DNMT1: variants seen among roughly 807,000 people sequenced by gnomAD.
DNMT1 encodes DNA methyltransferase 1.
A neutral mutation model predicts 205.3 loss-of-function variants in DNMT1; 24 were observed. That is an observed-to-expected ratio of 0.12 (90% CI 0.08 to 0.16). The LOEUF (loss-of-function observed/expected upper bound fraction) is 0.16. Ranked by LOEUF, DNMT1 falls within the 10% of genes least tolerant of loss-of-function variation. The pLI, the probability that DNMT1 is intolerant of heterozygous loss-of-function variation, is 1.00. For synonymous variants in DNMT1, 817 were observed against 839.8 expected (o/e 0.97, Z 0.47); for missense variants, 1,293 against 2,177.7 (o/e 0.59, Z 8.09).
At chr19:10,186,079 C>G (rs1041610843) in intron 1 of DNMT1, among the ~76,000 whole-genome samples, 1 of 152,230 alleles carries the variant, frequency 6.6e-6, no homozygotes, top group African/African-American at 2.4e-5. Flanking sequence ...GCTTCTACCT[C>G]GACCAAGCCA....
intron 1 of DNMT1, 71 bp downstream of exon 1, chr19:10,194,749 G>C (rs888073426): frequency 6.6e-7 from 1 of 1,516,380 alleles, no homozygotes; most frequent in Non-Finnish European, 8.9e-7. Context: ...CGGCCACCCC[G>C]AGGGGAAGCG....
chr19:10,140,014 C>A lies in DNMT1; in HGVS notation c.3806+32G>T, dbSNP rs1337939797. ...GACATGCGGCACAGCCCCGGGCCGT[C>A]TGGCAACACTGGGGGGCTTCTACCC... On this transcript the variant is annotated intron_variant, in intron 33 of 40. Coordinates refer to ENST00000359526, the MANE Select transcript of DNMT1 (RefSeq NM_001130823.3). This position sits in a 1 kb window ranked among gnomAD's most constrained non-coding sequence, Gnocchi z 8.4. The A allele has an allele frequency of 4.4e-6, 7 of 1,603,680 alleles. No individual in the cohort carries two copies. Among genetic ancestry groups the A allele is most frequent in the Non-Finnish European group, 5.9e-6 (7 of 1,179,994 alleles).
rs188926917 is a variant in DNMT1, at chr19:10,188,837, G to A, written c.80+5983C>T. Among the ~76,000 whole-genome samples the A allele has an allele frequency of 3.0e-3, 450 of 152,266 alleles. 2 individuals carry two copies. Among genetic ancestry groups the A allele is most frequent in the Middle Eastern group, 0.01 (3 of 294 alleles). The stretch of plus-strand genomic sequence containing the variant: ...GGGGCATGAGCCGAGGGATGAGACC[G>A]CCTCCAGAAGCGGGCAACGACCCTC... On this transcript the variant is annotated intron_variant, in intron 1 of 40. Coordinates refer to ENST00000359526, the MANE Select transcript of DNMT1 (RefSeq NM_001130823.3).
At position 10,135,748 on chromosome 19, in the gene DNMT1, G is replaced by A. The variant is rs2145252222; in HGVS notation, c.4761C>T (p.Asp1587=). Residue 1587 remains aspartate, a synonymous_variant, in exon 39 of 41, where the codon GAC becomes GAT. Coordinates refer to ENST00000359526, the MANE Select transcript of DNMT1 (RefSeq NM_001130823.3). ...DTYRLFGNIL[D]KHRQVGNAVP... ...CCGCCCCACTGACCTGCCGGTGCTT[G>A]TCCAGGATGTTGCCGAAGAGCCGGT... 2 of 1,606,950 alleles carry A rather than the reference G, an allele frequency of 1.2e-6. No homozygotes were observed. Among genetic ancestry groups the A allele is most frequent in the Non-Finnish European group, 1.7e-6 (2 of 1,178,042 alleles).
At chr19:10,187,263 T>C (rs1235705698) in intron 1 of DNMT1, among the ~76,000 whole-genome samples, 1 of 151,792 alleles carries the variant, frequency 6.6e-6, no homozygotes, top group Non-Finnish European at 1.5e-5. Flanking sequence ...AATTATAAAA[T>C]GTTAGATTAC....
At chr19:10,192,143 G>A (rs761118281) in intron 1 of DNMT1, among the ~76,000 whole-genome samples, 36 of 151,906 alleles carry the variant, frequency 2.4e-4, no homozygotes, top group African/African-American at 8.2e-4. Flanking sequence ...ATTTTTTAAG[G>A]ATTAACTTGG....
rs36001002 is a variant in DNMT1, at chr19:10,151,305, G to A, written c.2265+93C>T. 1.3e-6 allele frequency: 2 copies of A among 1,577,556 alleles called. No individual in the cohort carries two copies. The highest frequency in any genetic ancestry group is 2.2e-5 in the East Asian group (1 of 44,752). ...ACAGGTTTCTTAGTGCCGGGGCTCA[G>A]GCTGCCTGAGAGGTCAGGTTGGCGA... On this transcript the variant is annotated intron_variant, in intron 24 of 40. Transcript: ENST00000359526. The surrounding 1 kb of genome is among the most constrained non-coding windows in gnomAD (Gnocchi z 5.0).
chr19:10,164,709 T>C (rs1233375005), intron 11 of DNMT1, among the ~76,000 whole-genome samples: 3 of 151,122 alleles, frequency 2.0e-5, no homozygotes, highest in African/African-American at 7.3e-5. Flanking sequence ...AGGTGGATTG[T>C]TTGAGATCAG....
At chr19:10,168,246 A>G in intron 10 of DNMT1, 84 bp downstream of exon 10, 1 of 1,544,162 alleles carries the variant, frequency 6.5e-7, no homozygotes. Flanking sequence ...CCACTGTTCC[A>G]CACCAACCCG....
In DNMT1 at chr19:10,155,976, C is replaced by T. The variant is rs1292667294; in HGVS notation, c.1400-31G>A. 9 of 1,602,842 alleles carry T rather than the reference C, an allele frequency of 5.6e-6. No individual in the cohort carries two copies. In the African/African-American group the frequency reaches 1.1e-4, roughly 19 times the overall value. On this transcript the variant is annotated intron_variant, in intron 18 of 40. Transcript: ENST00000359526. ...GCAGAAAAAGGAAATGGACTAAAGGCTCTGACTCACATCCCAAACCCAGGA... is the reference window on the plus strand; with the variant it reads ...GCAGAAAAAGGAAATGGACTAAAGGTTCTGACTCACATCCCAAACCCAGGA...
At position 10,154,565 on chromosome 19, in the gene DNMT1, T is replaced by G; in HGVS notation, c.1832+21A>C. On this transcript the variant is annotated intron_variant, in intron 21 of 40. Coordinates refer to ENST00000359526, the MANE Select transcript of DNMT1 (RefSeq NM_001130823.3). This position sits in a 1 kb window ranked among gnomAD's most constrained non-coding sequence, Gnocchi z 6.3. Reference sequence around the variant, plus strand: ...CCTCCCCGGTCTCCAGTCTTCACTCTGGTCCCTGCCGCATCCTTACCTCTG... The same window carrying G: ...CCTCCCCGGTCTCCAGTCTTCACTCGGGTCCCTGCCGCATCCTTACCTCTG... 6.2e-7 allele frequency: 1 copy of G among 1,613,870 alleles called. No homozygotes were observed. The highest frequency in any genetic ancestry group is 8.5e-7 in the Non-Finnish European group (1 of 1,179,858).
At chr19:10,176,400 G>A (rs2038939159) in intron 6 of DNMT1, among the ~76,000 whole-genome samples, 1 of 152,086 alleles carries the variant, frequency 6.6e-6, no homozygotes, top group African/African-American at 2.4e-5. Flanking sequence ...TAGGAGGGAA[G>A]GAATCTATAA....
At chr19:10,135,440 GC>G (rs1377118232) in intron 39 of DNMT1, 2 of 464,766 alleles carry the variant, frequency 4.3e-6, no homozygotes, top group African/African-American at 2.0e-5. Context: ...TGAACCTACA[GC>G]GAGTGAGCTG....
At chr19:10,160,213 C>A (rs2038540127) in intron 14 of DNMT1, 150 bp from the exon 15 acceptor site, 3 of 1,520,438 alleles carry the variant, frequency 2.0e-6, no homozygotes, top group Non-Finnish European at 2.7e-6. Context: ...CACAGTGGCT[C>A]TTCACCGCAG....
rs778050542 is a variant in DNMT1, at chr19:10,149,671, ACGGG to A, written c.2382-18_2382-15del. On this transcript the variant is annotated splice_polypyrimidine_tract_variant and intron_variant, in intron 25 of 40. Coordinates refer to ENST00000359526, the MANE Select transcript of DNMT1 (RefSeq NM_001130823.3). ...AGCGCCGTGACCCTGGAATCAGAAG[ACGGG>A]CATGGGGAGAAAGTTCTGACTTGGC... 6.2e-7 allele frequency: 1 copy of A among 1,613,284 alleles called. No homozygotes were observed. The highest frequency in any genetic ancestry group is 8.5e-7 in the Non-Finnish European group (1 of 1,180,026).
In DNMT1 at chr19:10,146,388, C is replaced by T. The variant is rs1181438211; in HGVS notation, c.2857G>A (p.Asp953Asn). 6.2e-7 allele frequency: 1 copy of T among 1,614,044 alleles called. No individual in the cohort carries two copies. Among genetic ancestry groups the T allele is most frequent in the East Asian group, 2.2e-5 (1 of 44,872 alleles). ...GCCTCAGGGGGCAGGTACACACCAT[C>T]ACCAACTCGGTACAGGATGCCGTTC... Reference protein sequence around the residue: ...TKNGILYRVGDGVYLPPEAFT... With the variant: ...TKNGILYRVGNGVYLPPEAFT... Residue 953 changes from aspartate to asparagine, a missense_variant, in exon 28 of 41, where the codon GAT becomes AAT. Transcript: ENST00000359526. The surrounding 1 kb of genome is among the most constrained non-coding windows in gnomAD (Gnocchi z 4.4).
At chr19:10,145,069 A>C (rs1471235600) in intron 28 of DNMT1, among the ~76,000 whole-genome samples, 1 of 152,230 alleles carries the variant, frequency 6.6e-6, no homozygotes, top group Non-Finnish European at 1.5e-5. Flanking sequence ...ACCCTGACTA[A>C]GGCTCTGATC....
Position 10,155,064 on chromosome 19 carries a change from G to A in DNMT1, c.1493-8C>T. ...GAATGTATTCGGCAAATGCTGGGGT[G>A]AACAGAGGAGGTGTGGAAAAGGGGC... On this transcript the variant is annotated splice_region_variant and splice_polypyrimidine_tract_variant and intron_variant, in intron 19 of 40. Transcript: ENST00000359526. 1 of 1,614,014 alleles carries A rather than the reference G, an allele frequency of 6.2e-7. No homozygotes were observed. Among genetic ancestry groups the A allele is most frequent in the South Asian group, 1.1e-5 (1 of 91,060 alleles).
chr19:10,177,399 A>C, intron 5 of DNMT1, 32 bp from the exon 6 acceptor site: 1 of 1,600,372 alleles, frequency 6.2e-7, no homozygotes, highest in Non-Finnish European at 8.5e-7. Flanking sequence ...TTAAAAAGAA[A>C]AAAAAAAGCC....
Sources: allele counts gnomAD v4.1 joint callset (sites outside exome capture counted in the v4.1 genomes callset), GRCh38; gene constraint gnomAD v4.1.1; non-coding constraint Gnocchi (gnomAD v3.1); transcripts MANE v1.5; gene names NCBI Gene and HGNC (gene_info 2026-07-23, HGNC 2026-07-21).